Variants in EFHB observed in about 807,000 individuals in gnomAD.
The protein encoded by EFHB is EF-hand domain-containing family member B.
Under a neutral mutation model 87.2 loss-of-function variants are expected in EFHB, and 91 were observed. The ratio of observed to expected loss-of-function variants is 1.04; its 90% CI spans 0.88 to 1.24. EFHB has a LOEUF of 1.24. EFHB is among the 50% of genes most tolerant of loss of function. EFHB has a pLI of 0.00. For missense variants in EFHB, 1,084 were observed against 998.8 expected (o/e 1.09, Z -1.15); for synonymous variants, 325 against 333.6 (o/e 0.97, Z 0.28).
intron 9 of EFHB, among the ~76,000 whole-genome samples, chr3:19,892,879 AATAAAATAAT>A (rs1694348089): frequency 8.4e-6 from 1 of 118,706 alleles, no homozygotes. Context: ...AATAAAATAA[AATAAAATAAT>A]ATAAAATCAG....
chr3:19,946,558 T>G (rs926268164), intron 1 of EFHB, among the ~76,000 whole-genome samples: 1 of 152,160 alleles, frequency 6.6e-6, no homozygotes, highest in Non-Finnish European at 1.5e-5. Context: ...GACTTCTTAT[T>G]GTCAGGCGCC....
Position 19,933,786 on chromosome 3 carries a change from TTCTG to T in EFHB, c.229_232del (p.Gln77IlefsTer12). The T allele has an allele frequency of 6.2e-7, 1 of 1,613,968 alleles. No individual in the cohort carries two copies. The highest frequency in any genetic ancestry group is 8.5e-7 in the Non-Finnish European group (1 of 1,179,886). ...CCTCTGCATGACAGTCCTAGAAATA[TTCTG>T]TCTTTCTAATCCCATTTCAAGCCCC... is the stretch of plus-strand genomic sequence containing the variant. On this transcript the variant is annotated frameshift_variant, in exon 1 of 13. Coordinates refer to ENST00000295824, the MANE Select transcript of EFHB (RefSeq NM_144715.4). LOFTEE classifies it high-confidence loss of function.
chr3:19,912,797 T>C (rs1182410745), intron 5 of EFHB, among the ~76,000 whole-genome samples: 1 of 152,198 alleles, frequency 6.6e-6, no homozygotes, highest in Non-Finnish European at 1.5e-5. Context: ...TAAGTTGTTA[T>C]CAGGTTAAAA....
intron 11 of EFHB, 112 bp from the exon 12 acceptor site, chr3:19,882,843 T>TTGG (rs2071715041): frequency 2.1e-6 from 2 of 932,934 alleles, no homozygotes; most frequent in South Asian, 8.2e-5. Flanking sequence ...AGGAAGAATT[T>TTGG]TGGTGTATTC....
rs1695202464 is a variant in EFHB, at chr3:19,915,627, C to T, written c.1178-214G>A. 2.0e-5 allele frequency among the ~76,000 whole-genome samples: 3 copies of T among 152,116 alleles called. No homozygotes were observed. In the South Asian group the frequency reaches 6.2e-4, roughly 32 times the overall value. ...CTATAAGTCAGAGCATATTAGAACT[C>T]TATTATCACTGGCTGGGAGCAATGG... On this transcript the variant is annotated intron_variant, in intron 4 of 12. Transcript: ENST00000295824.
At chr3:19,902,395 C>T (rs1003758475) in intron 6 of EFHB, among the ~76,000 whole-genome samples, 1 of 152,090 alleles carries the variant, frequency 6.6e-6, no homozygotes, top group Non-Finnish European at 1.5e-5. Flanking sequence ...TGCTCTGTCA[C>T]CCAGGCTGGA....
At chr3:19,891,909 G>A (rs543820718) in intron 9 of EFHB, among the ~76,000 whole-genome samples, 40 of 152,238 alleles carry the variant, frequency 2.6e-4, no homozygotes, top group Middle Eastern at 3.4e-3. Context: ...CCAAACTTGT[G>A]ACTGCCAGAA....
intron 1 of EFHB, among the ~76,000 whole-genome samples, chr3:19,932,908 T>C (rs1559475251): frequency 6.6e-6 from 1 of 152,150 alleles, no homozygotes; most frequent in Non-Finnish European, 1.5e-5. Flanking sequence ...ATAGTATGAA[T>C]ATTAGGGCAC....
intron 2 of EFHB, among the ~76,000 whole-genome samples, 175 bp from the exon 3 acceptor site, chr3:19,920,151 T>TA (rs1419122330): frequency 6.6e-6 from 1 of 152,152 alleles, no homozygotes; most frequent in Non-Finnish European, 1.5e-5. Flanking sequence ...TTAATGAAAG[T>TA]AAAAAACATT....
chr3:19,943,842 C>G (rs1296934456), intron 1 of EFHB, among the ~76,000 whole-genome samples: 3 of 152,120 alleles, frequency 2.0e-5, no homozygotes, highest in African/African-American at 7.2e-5. Context: ...GGATAGATAA[C>G]CATTAAGTGG....
At chr3:19,907,752 A>G (rs575200337) in intron 5 of EFHB, among the ~76,000 whole-genome samples, 1 of 152,316 alleles carries the variant, frequency 6.6e-6, no homozygotes, top group African/African-American at 2.4e-5. Context: ...GAAACTAGAG[A>G]ACAACCAAGA....
intron 1 of EFHB, among the ~76,000 whole-genome samples, chr3:19,927,390 C>A (rs990962304): frequency 5.3e-5 from 8 of 152,218 alleles, no homozygotes; most frequent in Non-Finnish European, 1.2e-4. Flanking sequence ...CACCAGAAAT[C>A]TCTCCTTAGG....
chr3:19,879,741 T>C lies in EFHB; in HGVS notation c.2392A>G (p.Asn798Asp). 1 of 1,610,566 alleles carries C rather than the reference T, an allele frequency of 6.2e-7. No individual in the cohort carries two copies. Among genetic ancestry groups the C allele is most frequent in the Non-Finnish European group, 8.5e-7 (1 of 1,179,142 alleles). The change falls in exon 13 of 13, where the codon AAT becomes GAT. Residue 798 changes from asparagine (N) to aspartate (D), a missense_variant. Transcript: ENST00000295824. The part of the protein sequence containing the change: ...LSDEEFENVW[N>D]LASKKHHRGE... ...CTGTGATGCTTTTTTGATGCAAGATTCCATACATTTTCAAATTCTTCATCA... is the reference window on the plus strand; with the variant it reads ...CTGTGATGCTTTTTTGATGCAAGATCCCATACATTTTCAAATTCTTCATCA...
At chr3:19,882,767 A>G (rs745782357) in intron 11 of EFHB, 36 bp from the exon 12 acceptor site, 1 of 1,585,322 alleles carries the variant, frequency 6.3e-7, no homozygotes, top group East Asian at 2.2e-5. Context: ...CAGACATTCT[A>G]AAACAAAGCT....
At chr3:19,939,370 CTTTTTTTTTTTTTTTTTT>C (rs147510880) in intron 1 of EFHB, among the ~76,000 whole-genome samples, 1 of 64,582 alleles carries the variant, frequency 1.5e-5, no homozygotes, top group East Asian at 4.6e-4. Flanking sequence ...GTTGGGTCTC[CTTTTTTTTTTTTTTTTTT>C]TTTTTTTTTT....
chr3:19,943,523 G>C (rs1300755758), intron 1 of EFHB, among the ~76,000 whole-genome samples: 1 of 151,810 alleles, frequency 6.6e-6, no homozygotes, highest in Non-Finnish European at 1.5e-5. Flanking sequence ...AATACAGTTA[G>C]CCCTCTGTAT....
intron 10 of EFHB, among the ~76,000 whole-genome samples, chr3:19,887,261 C>A (rs1401544092): frequency 6.6e-6 from 1 of 150,958 alleles, no homozygotes; most frequent in Non-Finnish European, 1.5e-5. Flanking sequence ...ACACACCTGC[C>A]ATAATCCCAG....
At chr3:19,906,509 G>T (rs1023796061) in intron 5 of EFHB, among the ~76,000 whole-genome samples, 1 of 152,048 alleles carries the variant, frequency 6.6e-6, no homozygotes, top group Non-Finnish European at 1.5e-5. Flanking sequence ...GGGGGTAAAA[G>T]ACCTGTACAC....
chr3:19,896,579 T>C, intron 9 of EFHB, 108 bp downstream of exon 9: 1 of 1,406,012 alleles, frequency 7.1e-7, no homozygotes, highest in South Asian at 1.2e-5. Flanking sequence ...AAACAAACAG[T>C]GGGCTGGATT....
Sources: gnomAD v4.1 joint callset for allele counts (sites outside exome capture counted in the v4.1 genomes callset) on GRCh38, gnomAD v4.1.1 for gene constraint, MANE v1.5 for transcripts, NCBI Gene and HGNC (gene_info 2026-07-23, HGNC 2026-07-21) for gene names.